Variants in HLA-DPA1 observed in about 807,000 individuals in gnomAD.
The protein encoded by HLA-DPA1 is HLA class II histocompatibility antigen, DP alpha 1 chain.
In HLA-DPA1, 20 loss-of-function variants were observed where a neutral mutation model predicts 21.5. That is an observed-to-expected ratio of 0.93 (90% CI 0.66 to 1.35). The LOEUF (loss-of-function observed/expected upper bound fraction) is 1.35. Ranked by LOEUF, HLA-DPA1 falls within the 40% of genes most tolerant of loss-of-function variation. The pLI is 0.00. For missense variants in HLA-DPA1, 279 were observed against 323.0 expected (o/e 0.86, Z 1.05); for synonymous variants, 123 against 129.6 (o/e 0.95, Z 0.35).
chr6:33,067,297 C>CT (rs1762007291), intron 5 of HLA-DPA1: 1 of 151,002 alleles, frequency 6.6e-6, no homozygotes, highest in African/African-American at 2.5e-5. Flanking sequence ...GGAGGAGACC[C>CT]TCATGAATGG....
exon 6 of HLA-DPA1, chr6:33,064,574 G>C (rs1761859939): frequency 6.6e-6 from 1 of 151,828 alleles, no homozygotes; most frequent in Non-Finnish European, 1.5e-5. Context: ...ATGAATTAGG[G>C]CATTTTAAAA....
intron 3 of HLA-DPA1, 140 bp downstream of exon 2, chr6:33,069,501 T>G: frequency 1.7e-6 from 2 of 1,160,422 alleles, no homozygotes; most frequent in Non-Finnish European, 1.2e-6. Flanking sequence ...GCCCTTGCTG[T>G]AGTGGGATCA....
intron 2 of HLA-DPA1, among the ~76,000 whole-genome samples, chr6:33,073,146 G>A (rs1762363721): frequency 6.6e-6 from 1 of 152,182 alleles, no homozygotes; most frequent in South Asian, 2.1e-4. Context: ...TCGTTGATCT[G>A]CTGTGTAACC....
rs764266255 is a variant in HLA-DPA1 at position 33,068,616 on chromosome 6, G to C, written c.*12+22C>G. The C allele has an allele frequency of 4.5e-6, 7 of 1,545,360 alleles. No individual in the cohort carries two copies. In the Admixed American group the frequency reaches 1.3e-4, roughly 28 times the overall value. On this transcript the variant is annotated intron_variant, in intron 5 of 5. Coordinates refer to ENST00000419277, the Ensembl canonical transcript of HLA-DPA1. ...CTTCCTTACATTCTACAAATCCTAGGGCCTCCTCTTTACATTCCCACCTTT... is the reference window on the plus strand; with the variant it reads ...CTTCCTTACATTCTACAAATCCTAGCGCCTCCTCTTTACATTCCCACCTTT...
chr6:33,069,635 G>C lies in HLA-DPA1; in HGVS notation c.346+6C>G, dbSNP rs114707319. The C allele has an allele frequency of 0.21, 329,608 of 1,586,390 alleles. 46,614 individuals carry two copies. The highest frequency in any genetic ancestry group is 0.64 in the East Asian group (28,539 of 44,550). Reference sequence around the variant, plus strand: ...CTACAGAGGAAGAGGCAAAGATAGGGCGTACCGTTGGTGGCCTGAGTGTGG... The same window carrying C: ...CTACAGAGGAAGAGGCAAAGATAGGCCGTACCGTTGGTGGCCTGAGTGTGG... On this transcript the variant is annotated splice_donor_region_variant and intron_variant, in intron 3 of 5. Coordinates refer to ENST00000419277, the Ensembl canonical transcript of HLA-DPA1.
In HLA-DPA1 at chr6:33,068,771, G is replaced by A. The variant is rs56046206; in HGVS notation, c.662C>T (p.Thr221Met). 7.3e-3 allele frequency: 11,785 copies of A among 1,612,986 alleles called. 62 individuals carry two copies. The highest frequency in any genetic ancestry group is 8.5e-3 in the Non-Finnish European group (10,044 of 1,179,964). The change falls in exon 5 of 6, where the codon ACG becomes ATG. Residue 221 changes from threonine to methionine, a missense_variant. Transcript: ENST00000419277. Reference sequence around the variant, plus strand: ...GCCCAGGGCACAGAGCACAGTCTCCGTTGTCTCAGGCATCTGGATTGGCTC... The same window carrying A: ...GCCCAGGGCACAGAGCACAGTCTCCATTGTCTCAGGCATCTGGATTGGCTC...
At chr6:33,078,148 G>A (rs562428304) in intron 1 of HLA-DPA1, among the ~76,000 whole-genome samples, 90 of 152,222 alleles carry the variant, frequency 5.9e-4, no homozygotes, top group Admixed American at 1.2e-3. Context: ...GGAGCAGAGA[G>A]CAGAAGGGGG....
chr6:33,073,503 A>C (rs778265055), exon 2 of HLA-DPA1: 18 of 1,612,818 alleles, frequency 1.1e-5, no homozygotes, highest in African/African-American at 4.0e-5. Context: ...GAGACTCAGC[A>C]GGAAAGCCAA....
chr6:33,069,763 T>C (rs1435569420), exon 3 of HLA-DPA1: 1 of 1,612,678 alleles, frequency 6.2e-7, no homozygotes, highest in Non-Finnish European at 8.5e-7. Flanking sequence ...CTCCTCCAGA[T>C]GCCAGACGGT....
At chr6:33,078,452 CT>C (rs1037521801) in intron 1 of HLA-DPA1, among the ~76,000 whole-genome samples, 4 of 152,058 alleles carry the variant, frequency 2.6e-5, no homozygotes, top group African/African-American at 9.7e-5. Context: ...CAGGCTATAG[CT>C]TAAAGAGGCT....
At chr6:33,078,188 C>T (rs571822747) in intron 1 of HLA-DPA1, among the ~76,000 whole-genome samples, 11 of 152,128 alleles carry the variant, frequency 7.2e-5, no homozygotes, top group Non-Finnish European at 1.5e-4. Context: ...AAAGGGAGGA[C>T]GGGCAAAGGC....
intron 2 of HLA-DPA1, among the ~76,000 whole-genome samples, chr6:33,072,571 T>C (rs528710106): frequency 1.3e-5 from 2 of 152,322 alleles, no homozygotes; most frequent in South Asian, 4.1e-4. Flanking sequence ...TAGATACTTC[T>C]GGTTCTACCC....
chr6:33,075,876 C>A, intron 1 of HLA-DPA1: 1 of 601,266 alleles, frequency 1.7e-6, no homozygotes, highest in Non-Finnish European at 3.0e-6. Flanking sequence ...ATGACTCATA[C>A]AAAGCTCAGT....
intron 2 of HLA-DPA1, 29 bp downstream of exon 1, chr6:33,073,442 G>T: frequency 6.8e-7 from 1 of 1,461,440 alleles, no homozygotes; most frequent in Non-Finnish European, 9.6e-7. Context: ...CACTCACCCC[G>T]ACGCTCCTGC....
intron 1 of HLA-DPA1, among the ~76,000 whole-genome samples, chr6:33,078,299 T>C (rs1174495851): frequency 8.5e-5 from 13 of 152,066 alleles, no homozygotes; most frequent in Admixed American, 8.5e-4. Flanking sequence ...GAATGTTCAA[T>C]CAAAACCTGC....
At chr6:33,068,988 G>T in intron 4 of HLA-DPA1, 31 bp downstream of exon 3, 1 of 1,607,296 alleles carries the variant, frequency 6.2e-7, no homozygotes, top group South Asian at 1.1e-5. Flanking sequence ...GAGGATGCCA[G>T]GAGATTATGG....
intron 5 of HLA-DPA1, 125 bp downstream of exon 4, chr6:33,068,513 G>A (rs9277339): frequency 0.16 from 110,684 of 709,630 alleles, 10,557 homozygotes; most frequent in Middle Eastern, 0.25. Context: ...AGTTATCGGT[G>A]TTGTTGTTGT....
chr6:33,065,009 C>G (rs2150353960), exon 6 of HLA-DPA1: 1 of 152,160 alleles, frequency 6.6e-6, no homozygotes, highest in Non-Finnish European at 1.5e-5. Context: ...TCAGAGTCTC[C>G]CCGCTCTGAA....
chr6:33,068,858 C>T, intron 4 of HLA-DPA1, 54 bp from the exon 4 acceptor site: 3 of 1,588,690 alleles, frequency 1.9e-6, no homozygotes, highest in Non-Finnish European at 2.6e-6. Flanking sequence ...GTGGTGATGG[C>T]CTGGGATGGT....
Sources: allele counts gnomAD v4.1 joint callset (sites outside exome capture counted in the v4.1 genomes callset), GRCh38; gene constraint gnomAD v4.1.1; transcripts MANE v1.5; gene names NCBI Gene and HGNC (gene_info 2026-07-23, HGNC 2026-07-21).